The following CCDC12 variants were observed in gnomAD, a reference collection of about 807,000 sequenced individuals.
The protein encoded by CCDC12 is coiled-coil domain containing 12.
In CCDC12, 28 loss-of-function variants were observed where a neutral mutation model predicts 25.7. The observed-to-expected ratio is 1.09, with a 90% CI of 0.81 to 1.50. CCDC12 has a LOEUF of 1.50. Ranked by LOEUF, CCDC12 falls within the 40% of genes most tolerant of loss-of-function variation. The pLI is 0.00. For missense variants in CCDC12, 198 were observed against 210.0 expected, an observed-to-expected ratio of 0.94 and a Z score of 0.35; for synonymous variants, 75 against 87.7, an observed-to-expected ratio of 0.86 and a Z score of 0.81.
At chr3:46,952,687 G>C (rs2034164706) in intron 1 of CCDC12, among the ~76,000 whole-genome samples, 1 of 152,124 alleles carries the variant, frequency 6.6e-6, no homozygotes, top group Non-Finnish European at 1.5e-5. Context: ...TTACAACACT[G>C]TCAATTCTTT....
At chr3:46,935,213 C>T (rs745530961) in intron 2 of CCDC12, among the ~76,000 whole-genome samples, 8 of 152,210 alleles carry the variant, frequency 5.3e-5, no homozygotes, top group Non-Finnish European at 8.8e-5. Flanking sequence ...CTGATGGTGA[C>T]CGACTTTTCC....
chr3:46,930,887 T>C (rs9852082), intron 2 of CCDC12, among the ~76,000 whole-genome samples: 104,083 of 152,090 alleles, frequency 0.68, 36,118 homozygotes, highest in African/African-American at 0.79. Context: ...CCCCACTCCA[T>C]GCACGTGGCC....
chr3:46,953,605 C>G (rs2034195654), intron 1 of CCDC12, among the ~76,000 whole-genome samples: 2 of 151,284 alleles, frequency 1.3e-5, no homozygotes, highest in South Asian at 4.2e-4. Flanking sequence ...GCACTCAGGC[C>G]TGACACAGCC....
Position 46,976,453 on chromosome 3 carries a change from G to A in CCDC12, c.96+184C>T, listed in dbSNP as rs1363326945. The A allele has an allele frequency of 4.9e-6, 7 of 1,423,982 alleles. No homozygotes were observed. The African/African-American group carries it at 7.2e-5, about 15-fold the overall frequency. 88.2% of individuals were successfully genotyped at this position (1,423,982 alleles called of 1,614,324 possible). A position where few individuals can be genotyped will look rare whatever the true frequency, so the allele number is the denominator to read the frequency against. ...CGCGACGACCGCACCAGCGCCAGAG[G>A]AGTCCCACGCCAAGCAGCCCCAGAC... On this transcript the variant is annotated intron_variant, in intron 1 of 6. Transcript: ENST00000683445.
intron 5 of CCDC12, 66 bp downstream of exon 5, chr3:46,923,263 C>G: frequency 7.0e-7 from 1 of 1,421,982 alleles, no homozygotes; most frequent in African/African-American, 1.4e-5. Context: ...GGCCAAGCCC[C>G]AGGCCCATGC....
intron 1 of CCDC12, among the ~76,000 whole-genome samples, chr3:46,953,475 C>T (rs1437489317): frequency 1.3e-5 from 2 of 152,060 alleles, no homozygotes; most frequent in Non-Finnish European, 2.9e-5. Flanking sequence ...GTCAAAATGA[C>T]TTAATAATAA....
intron 5 of CCDC12, 78 bp from the exon 6 acceptor site, chr3:46,922,390 C>A: frequency 6.6e-7 from 1 of 1,508,250 alleles, no homozygotes; most frequent in South Asian, 1.1e-5. Context: ...CCTCTTGCAG[C>A]CCTCTGGCAT....
chr3:46,976,957 CA>C (rs34971711), upstream of CCDC12: 145,162 of 306,964 alleles, frequency 0.47, 14,641 homozygotes, highest in Admixed American at 0.52. Context: ...GGGGAGCCAG[CA>C]AAAAAAAAAA....
At chr3:46,967,168 T>C (rs2034666901) in intron 1 of CCDC12, among the ~76,000 whole-genome samples, 1 of 152,116 alleles carries the variant, frequency 6.6e-6, no homozygotes. Flanking sequence ...AGCCAGACTC[T>C]TGCCTTCCCC....
At chr3:46,981,268 C>T (rs375410204), upstream of CCDC12, among the ~76,000 whole-genome samples, 11 of 152,082 alleles carry the variant, frequency 7.2e-5, no homozygotes, top group African/African-American at 2.7e-4. Flanking sequence ...CATGGTGAAA[C>T]CCCATCTCTA....
At chr3:46,937,273 C>A (rs1157541909) in intron 2 of CCDC12, among the ~76,000 whole-genome samples, 1 of 152,172 alleles carries the variant, frequency 6.6e-6, no homozygotes, top group Non-Finnish European at 1.5e-5. Flanking sequence ...TGGACCTTTG[C>A]CACCCAAACC....
intron 2 of CCDC12, among the ~76,000 whole-genome samples, chr3:46,928,700 C>T (rs894099368): frequency 6.6e-6 from 1 of 152,102 alleles, no homozygotes; most frequent in African/African-American, 2.4e-5. Flanking sequence ...AAGAGAAAGA[C>T]TTTTTCAGAC....
At chr3:46,971,640 TTA>T (rs3028810) in intron 1 of CCDC12, among the ~76,000 whole-genome samples, 143,542 of 152,188 alleles carry the variant, frequency 0.94, 68,306 homozygotes, top group East Asian at 1. Flanking sequence ...AATTATGAGT[TTA>T]TAGTCTGGTG....
intron 1 of CCDC12, among the ~76,000 whole-genome samples, chr3:46,968,261 A>G (rs2034696309): frequency 6.6e-6 from 1 of 152,146 alleles, no homozygotes; most frequent in Non-Finnish European, 1.5e-5. Flanking sequence ...TTCTTAATCT[A>G]ACACTTTGCA....
intron 1 of CCDC12, among the ~76,000 whole-genome samples, chr3:46,943,291 G>A (rs1240240637): frequency 6.6e-6 from 1 of 152,304 alleles, no homozygotes; most frequent in South Asian, 2.1e-4. Context: ...AAGACTAGCC[G>A]ATGAAGCAAG....
chr3:46,955,088 C>T (rs2107169433), intron 1 of CCDC12, among the ~76,000 whole-genome samples: 1 of 152,320 alleles, frequency 6.6e-6, no homozygotes, highest in South Asian at 2.1e-4. Context: ...TAGTCCATGC[C>T]TAAACTACAG....
chr3:46,967,910 C>T (rs2034687552), intron 1 of CCDC12, among the ~76,000 whole-genome samples: 1 of 152,118 alleles, frequency 6.6e-6, no homozygotes, highest in Non-Finnish European at 1.5e-5. Flanking sequence ...TTTAAGAATG[C>T]ATGAATTTAT....
intron 1 of CCDC12, among the ~76,000 whole-genome samples, chr3:46,963,232 T>C (rs2034515448): frequency 6.6e-6 from 1 of 152,232 alleles, no homozygotes; most frequent in Non-Finnish European, 1.5e-5. Context: ...ACTGATGACA[T>C]GGGCATGTTC....
At chr3:46,926,324 G>A (rs1000052304) in intron 2 of CCDC12, among the ~76,000 whole-genome samples, 1 of 152,214 alleles carries the variant, frequency 6.6e-6, no homozygotes, top group African/African-American at 2.4e-5. Context: ...GCCAGTGAGG[G>A]CTGTGAAAAT....
Sources: gnomAD v4.1 joint callset for allele counts (sites outside exome capture counted in the v4.1 genomes callset) on GRCh38, gnomAD v4.1.1 for gene constraint, MANE v1.5 for transcripts, NCBI Gene and HGNC (gene_info 2026-07-23, HGNC 2026-07-21) for gene names.